Variants in HACE1 observed in about 807,000 individuals in gnomAD.
HACE1 encodes HECT domain and ankyrin repeat containing E3 ubiquitin protein ligase 1, also known as E3 ubiquitin-protein ligase HACE1.
In HACE1, 73 loss-of-function variants were observed where a neutral mutation model predicts 118.4. The observed-to-expected ratio is 0.62, with a 90% confidence interval of 0.51 to 0.75. HACE1 has a LOEUF of 0.75. Among genes scored for constraint, HACE1 ranks in the 30% least tolerant of loss-of-function variants. The probability of loss-of-function intolerance (pLI) is 0.00; values close to 1 mark genes in which losing one functional copy is unlikely to be tolerated. For synonymous variants in HACE1, 368 were observed against 374.8 expected, an observed-to-expected ratio of 0.98 and a Z score of 0.21; for missense variants, 749 against 1,102.2, an observed-to-expected ratio of 0.68 and a Z score of 4.54.
chr6:104,857,053 AT>A (rs1326652090), intron 1 of HACE1, among the ~76,000 whole-genome samples: 1 of 151,764 alleles, frequency 6.6e-6, no homozygotes, highest in African/African-American at 2.4e-5. Context: ...AGCAAAAAAA[AT>A]CTGATTATTT....
intron 1 of HACE1, among the ~76,000 whole-genome samples, chr6:104,854,863 T>G (rs1215150206): frequency 6.6e-6 from 1 of 152,206 alleles, no homozygotes; most frequent in Non-Finnish European, 1.5e-5. Flanking sequence ...AGTGTATACA[T>G]GAAAAACAAT....
chr6:104,802,181 T>C (rs1341129305), intron 7 of HACE1, among the ~76,000 whole-genome samples: 1 of 152,034 alleles, frequency 6.6e-6, no homozygotes, highest in African/African-American at 2.4e-5. Context: ...CCTAAATATA[T>C]ATGCACTCAA....
In HACE1 at chr6:104,752,399, G is replaced by A. The variant is rs377377901; in HGVS notation, c.2212-1927C>T. On this transcript the variant is annotated intron_variant, in intron 19 of 23. Transcript: ENST00000262903. ...TGCATTAGCACATGACTATATTTCA[G>A]TTTATGTCTACTCTCACTAAAATTG... 1.2e-3 allele frequency among the ~76,000 whole-genome samples: 180 copies of A among 152,180 alleles called. 1 individual carries two copies. In the Middle Eastern group the frequency reaches 0.014, roughly 12 times the overall value.
chr6:104,845,535 T>C (rs951631661), intron 4 of HACE1, among the ~76,000 whole-genome samples: 3 of 147,676 alleles, frequency 2.0e-5, no homozygotes, highest in Non-Finnish European at 4.5e-5. Flanking sequence ...TGGAGTACAG[T>C]GGCACGATCT....
In HACE1 at chr6:104,843,394, T is replaced by C. The variant is rs1775302695; in HGVS notation, c.327-96A>G. 3 of 750,632 alleles carry C rather than the reference T, an allele frequency of 4.0e-6. No individual in the cohort carries two copies. The Admixed American group carries it at 5.2e-5, about 13-fold the overall frequency. The allele number at this position is 750,632 out of a possible 1,614,324, so 46.5% of individuals were successfully genotyped here. A position where few individuals can be genotyped will look rare whatever the true frequency, so the allele number is the denominator to read the frequency against. On this transcript the variant is annotated intron_variant, in intron 4 of 23. Transcript: ENST00000262903. ...AATATTAGCAACAATCAATAACAGC[T>C]GATGACATCATAACATCTTTATCTG... is the stretch of plus-strand genomic sequence containing the variant.
rs182346480 is a variant in HACE1 at position 104,843,319 on chromosome 6, T to C, written c.327-21A>G. ...TCTGCCTGAAAAGAAAAAAGAGTCA[T>C]GGATAACTGGTACTTAAAAAATATA... On this transcript the variant is annotated intron_variant, in intron 4 of 23. Coordinates refer to ENST00000262903, the MANE Select transcript of HACE1 (RefSeq NM_020771.4). 71 of 1,091,108 alleles carry C rather than the reference T, an allele frequency of 6.5e-5. 1 individual carries two copies. The East Asian group carries it at 1.1e-3, about 17-fold the overall frequency. The allele number at this position is 1,091,108 out of a possible 1,614,324, so 67.6% of individuals were successfully genotyped here.
chr6:104,859,331 C>T, intron 1 of HACE1: 2 of 500,038 alleles, frequency 4.0e-6, no homozygotes, highest in South Asian at 5.0e-5. Flanking sequence ...CTCGCTCCTC[C>T]CAGCAGCGGA....
intron 5 of HACE1, among the ~76,000 whole-genome samples, chr6:104,837,615 A>G (rs917446931): frequency 6.6e-6 from 1 of 152,234 alleles, no homozygotes; most frequent in African/African-American, 2.4e-5. Flanking sequence ...AGCATGATCC[A>G]TAATGCAAAA....
intron 7 of HACE1, among the ~76,000 whole-genome samples, chr6:104,798,954 G>T (rs188120349): frequency 2.0e-5 from 3 of 152,184 alleles, no homozygotes; most frequent in African/African-American, 7.2e-5. Flanking sequence ...TTGTTCCATA[G>T]CACCAAGCAT....
chr6:104,795,479 G>A (rs1276641589), intron 10 of HACE1, 100 bp downstream of exon 10: 20 of 782,588 alleles, frequency 2.6e-5, no homozygotes, highest in African/African-American at 5.1e-5. Context: ...TTATAACATC[G>A]TTATCACTGA....
chr6:104,806,306 T>C (rs1770990072), intron 7 of HACE1, among the ~76,000 whole-genome samples: 1 of 151,978 alleles, frequency 6.6e-6, no homozygotes, highest in Non-Finnish European at 1.5e-5. Flanking sequence ...AAATAAAAAT[T>C]GAAAAATTAG....
intron 9 of HACE1, 78 bp downstream of exon 9, chr6:104,796,577 G>T: frequency 1.3e-6 from 1 of 780,340 alleles, no homozygotes; most frequent in South Asian, 1.4e-5. Flanking sequence ...ACTAAGCTAA[G>T]CACATTTGTA....
At chr6:104,756,866 T>C (rs1050733863) in intron 19 of HACE1, among the ~76,000 whole-genome samples, 5 of 152,198 alleles carry the variant, frequency 3.3e-5, no homozygotes, top group Admixed American at 1.3e-4. Context: ...CCCACAGTCT[T>C]CGCAACTGGC....
chr6:104,802,446 A>C (rs143211805), intron 7 of HACE1, among the ~76,000 whole-genome samples: 220 of 152,336 alleles, frequency 1.4e-3, no homozygotes, highest in African/African-American at 5.1e-3. Flanking sequence ...ACTTATTCTA[A>C]AATTGACCAC....
chr6:104,798,961 G>A (rs1208677227), intron 7 of HACE1, among the ~76,000 whole-genome samples: 1 of 152,114 alleles, frequency 6.6e-6, no homozygotes, highest in Non-Finnish European at 1.5e-5. Context: ...ATAGCACCAA[G>A]CATGGCAGTT....
chr6:104,792,192 A>G (rs949438069), intron 10 of HACE1, among the ~76,000 whole-genome samples: 1 of 152,216 alleles, frequency 6.6e-6, no homozygotes, highest in South Asian at 2.1e-4. Flanking sequence ...GAAAAATTTA[A>G]AAGTTGCTAT....
intron 14 of HACE1, among the ~76,000 whole-genome samples, chr6:104,778,180 A>AAAGAGAGTCT (rs778773900): frequency 3.3e-5 from 5 of 152,192 alleles, no homozygotes; most frequent in African/African-American, 4.8e-5. Context: ...CTTGAATAGC[A>AAAGAGAGTCT]AAGAGAGTCT....
chr6:104,760,758 T>C (rs1461234696), intron 19 of HACE1, among the ~76,000 whole-genome samples: 2 of 152,192 alleles, frequency 1.3e-5, no homozygotes, highest in Non-Finnish European at 2.9e-5. Flanking sequence ...AGTCAAATTG[T>C]CCCTGTTTGC....
intron 14 of HACE1, among the ~76,000 whole-genome samples, chr6:104,779,652 A>G (rs994325381): frequency 6.6e-6 from 1 of 152,146 alleles, no homozygotes; most frequent in African/African-American, 2.4e-5. Flanking sequence ...GAGAAAAAAC[A>G]TTACACAGAA....
Sources: allele counts gnomAD v4.1 joint callset (sites outside exome capture counted in the v4.1 genomes callset), GRCh38; gene constraint gnomAD v4.1.1; transcripts MANE v1.5; gene names NCBI Gene and HGNC (gene_info 2026-07-23, HGNC 2026-07-21).